Variants in MYPN observed in about 807,000 individuals in gnomAD.
The protein encoded by MYPN is sarcomeric protein myopalladin, 145 kDa (MYOP).
In MYPN, 63 loss-of-function variants were observed where a neutral mutation model predicts 129.4. That is an observed-to-expected ratio of 0.49 (90% CI 0.40 to 0.60). MYPN has a LOEUF of 0.60. Ranked by LOEUF, MYPN falls within the 20% of genes least tolerant of loss-of-function variation. The probability of loss-of-function intolerance (pLI) is 0.00; values close to 1 mark genes in which losing one functional copy is unlikely to be tolerated. For missense variants in MYPN, 1,596 were observed against 1,635.4 expected (o/e 0.98, Z 0.42); for synonymous variants, 629 against 600.9 (o/e 1.05, Z -0.68).
At position 68,158,083 on chromosome 10, in the gene MYPN, G is replaced by A. The variant is rs78629495; in HGVS notation, c.1318-403G>A. 1,212 of 189,962 alleles carry A rather than the reference G, an allele frequency of 6.4e-3. 22 individuals carry two copies. The highest frequency in any genetic ancestry group is 0.027 in the African/African-American group (1,147 of 42,368). The allele number at this position is 189,962 out of a possible 1,614,324, so 11.8% of individuals were successfully genotyped here. On this transcript the variant is annotated intron_variant, in intron 6 of 19. Transcript: ENST00000358913. ...CTGTCTTCAAACCTACTTTTAGGATGTGAGGGTGATCTGGCTGTGACATCT... is the reference window on the plus strand; with the variant it reads ...CTGTCTTCAAACCTACTTTTAGGATATGAGGGTGATCTGGCTGTGACATCT...
At chr10:68,100,397 G>T (rs1176610492) in intron 1 of MYPN, among the ~76,000 whole-genome samples, 6 of 152,114 alleles carry the variant, frequency 3.9e-5, no homozygotes, top group African/African-American at 1.4e-4. Context: ...TGTTTTAAGT[G>T]TACTGTTTAT....
chr10:68,178,621 G>A (rs1262341693), intron 12 of MYPN, among the ~76,000 whole-genome samples: 1 of 149,758 alleles, frequency 6.7e-6, no homozygotes, highest in African/African-American at 2.5e-5. Context: ...GCTGAAGCAG[G>A]AGAATCACTT....
intron 7 of MYPN, among the ~76,000 whole-genome samples, chr10:68,160,429 C>CAAAAAA (rs56201900): frequency 4.8e-5 from 3 of 62,086 alleles, no homozygotes; most frequent in African/African-American, 1.5e-4. Context: ...GACCTTATCT[C>CAAAAAA]AAAAAAAAAA....
intron 1 of MYPN, among the ~76,000 whole-genome samples, chr10:68,116,232 T>C (rs1249342425): frequency 6.6e-6 from 1 of 152,170 alleles, no homozygotes; most frequent in Admixed American, 6.5e-5. Context: ...ACAAATTTTA[T>C]AATAGTTATA....
chr10:68,098,728 A>G (rs2041968649), intron 1 of MYPN, among the ~76,000 whole-genome samples: 1 of 152,156 alleles, frequency 6.6e-6, no homozygotes, highest in African/African-American at 2.4e-5. Flanking sequence ...CTGTAATCCC[A>G]GCTACTCAGG....
intron 1 of MYPN, among the ~76,000 whole-genome samples, chr10:68,094,945 C>T (rs1251762845): frequency 1.3e-5 from 2 of 152,100 alleles, no homozygotes; most frequent in Admixed American, 6.6e-5. Context: ...GCTGTAATCC[C>T]AGCTACTAGG....
At chr10:68,201,480 T>C (rs2043709408) in intron 17 of MYPN, among the ~76,000 whole-genome samples, 1 of 152,126 alleles carries the variant, frequency 6.6e-6, no homozygotes, top group Non-Finnish European at 1.5e-5. Context: ...AGAATGACCC[T>C]TCTCCACCAG....
intron 8 of MYPN, chr10:68,162,183 A>C (rs1294205498): frequency 6.7e-6 from 1 of 150,190 alleles, no homozygotes; most frequent in Non-Finnish European, 1.5e-5. Flanking sequence ...AAAAAAAAAA[A>C]AAAAAACATC....
chr10:68,101,559 C>T (rs2041982137), upstream of MYPN, among the ~76,000 whole-genome samples: 1 of 152,138 alleles, frequency 6.6e-6, no homozygotes, highest in African/African-American at 2.4e-5. Flanking sequence ...CACCAACTTT[C>T]TTTAGGTTCA....
intron 19 of MYPN, among the ~76,000 whole-genome samples, chr10:68,209,717 G>C (rs2043877355): frequency 6.9e-6 from 1 of 145,148 alleles, no homozygotes; most frequent in Non-Finnish European, 1.5e-5. Context: ...TTGAGATGGA[G>C]TCTCGCTCTG....
At chr10:68,176,984 A>G (rs1412519127) in intron 12 of MYPN, among the ~76,000 whole-genome samples, 1 of 152,206 alleles carries the variant, frequency 6.6e-6, no homozygotes, top group East Asian at 1.9e-4. Context: ...TGTCATTGTA[A>G]TTATAGCTGT....
At chr10:68,200,612 G>C (rs2043693347) in intron 17 of MYPN, among the ~76,000 whole-genome samples, 5 of 152,090 alleles carry the variant, frequency 3.3e-5, no homozygotes, top group Admixed American at 2.0e-4. Context: ...ACAAAAATTA[G>C]CCAGGTGTGG....
At chr10:68,119,997 C>A (rs1241217940) in intron 1 of MYPN, among the ~76,000 whole-genome samples, 1 of 152,188 alleles carries the variant, frequency 6.6e-6, no homozygotes, top group Admixed American at 6.5e-5. Flanking sequence ...GGAAAGAAAT[C>A]AACTGAAGTA....
intron 14 of MYPN, among the ~76,000 whole-genome samples, chr10:68,194,930 A>G (rs966356816): frequency 6.6e-6 from 1 of 152,236 alleles, no homozygotes; most frequent in African/African-American, 2.4e-5. Flanking sequence ...CATAGTGTCC[A>G]CATTTTGGGA....
chr10:68,100,883 C>G (rs1484994247), intron 1 of MYPN, among the ~76,000 whole-genome samples: 1 of 151,694 alleles, frequency 6.6e-6, no homozygotes, highest in Non-Finnish European at 1.5e-5. Flanking sequence ...TGATTTAATT[C>G]TTAATAGTAT....
intron 2 of MYPN, among the ~76,000 whole-genome samples, chr10:68,140,052 C>T (rs573208524): frequency 2.2e-4 from 34 of 152,214 alleles, no homozygotes; most frequent in African/African-American, 7.0e-4. Flanking sequence ...TCAGGGAGGG[C>T]CTCTCTGAGA....
intron 1 of MYPN, among the ~76,000 whole-genome samples, chr10:68,093,715 C>T (rs892781875): frequency 3.3e-5 from 5 of 151,492 alleles, no homozygotes; most frequent in Middle Eastern, 3.4e-3. Context: ...CGAGATCGCA[C>T]CACTGCACTC....
At chr10:68,103,847 G>C (rs539140028), upstream of MYPN, among the ~76,000 whole-genome samples, 4 of 152,334 alleles carry the variant, frequency 2.6e-5, no homozygotes, top group African/African-American at 9.6e-5. Context: ...CTACTTTGGA[G>C]GCTGAGGCAG....
intron 2 of MYPN, among the ~76,000 whole-genome samples, chr10:68,138,699 T>A (rs893416797): frequency 2.0e-5 from 3 of 152,234 alleles, no homozygotes; most frequent in African/African-American, 7.2e-5. Context: ...GTTAGCCATT[T>A]CTGCTGACTT....
Sources: allele counts gnomAD v4.1 joint callset (sites outside exome capture counted in the v4.1 genomes callset), GRCh38; gene constraint gnomAD v4.1.1; transcripts MANE v1.5; gene names NCBI Gene and HGNC (gene_info 2026-07-23, HGNC 2026-07-21).